MEI4: variants seen among roughly 807,000 people sequenced by gnomAD.
MEI4 encodes the protein meiotic double-stranded break formation protein 4.
A neutral mutation model predicts 31.4 loss-of-function variants in MEI4; 27 were observed. The ratio of observed to expected loss-of-function variants is 0.86; its 90% CI spans 0.63 to 1.19. The LOEUF is 1.19. Ranked by LOEUF, MEI4 falls within the 50% of genes most tolerant of loss-of-function variation. The pLI, the probability that MEI4 is intolerant of heterozygous loss-of-function variation, is 0.00. For synonymous variants in MEI4, 122 were observed against 145.4 expected (o/e 0.84, Z 1.16); for missense variants, 329 against 398.9 (o/e 0.82, Z 1.49).
At chr6:77,736,932 T>G (rs1401501073) in intron 2 of MEI4, among the ~76,000 whole-genome samples, 1 of 151,134 alleles carries the variant, frequency 6.6e-6, no homozygotes, top group East Asian at 1.9e-4. Flanking sequence ...GGTACTAGGC[T>G]ATTTCAAACA....
chr6:77,916,195 T>A (rs965007833), intron 4 of MEI4, among the ~76,000 whole-genome samples: 2 of 152,092 alleles, frequency 1.3e-5, no homozygotes, highest in African/African-American at 2.4e-5. Context: ...TCTATCTGTG[T>A]TCTATCTCAC....
chr6:77,823,236 A>T (rs1476952776), intron 3 of MEI4, among the ~76,000 whole-genome samples: 1 of 152,062 alleles, frequency 6.6e-6, no homozygotes, highest in Non-Finnish European at 1.5e-5. Context: ...GTATATATAT[A>T]TTTTCTATGT....
At chr6:77,687,946 G>A (rs1440730731) in intron 1 of MEI4, among the ~76,000 whole-genome samples, 2 of 152,158 alleles carry the variant, frequency 1.3e-5, no homozygotes, top group East Asian at 1.9e-4. Flanking sequence ...GAGGCTTGGG[G>A]TGGGACTGAA....
intron 4 of MEI4, among the ~76,000 whole-genome samples, chr6:77,879,636 T>C (rs1204037085): frequency 6.6e-6 from 1 of 152,224 alleles, no homozygotes; most frequent in African/African-American, 2.4e-5. Context: ...CCAAGCCTAT[T>C]GGAGTTGAAG....
chr6:77,831,926 G>A (rs1770093283), intron 4 of MEI4, among the ~76,000 whole-genome samples: 1 of 151,898 alleles, frequency 6.6e-6, no homozygotes, highest in African/African-American at 2.4e-5. Context: ...GAATTGTAAT[G>A]TTTCCAACAT....
intron 2 of MEI4, among the ~76,000 whole-genome samples, chr6:77,737,757 C>G (rs926547975): frequency 6.6e-6 from 1 of 152,076 alleles, no homozygotes; most frequent in Non-Finnish European, 1.5e-5. Flanking sequence ...GAGATAGGAT[C>G]AATATCATCT....
chr6:77,819,286 C>T (rs1191004275), intron 3 of MEI4, among the ~76,000 whole-genome samples: 1 of 152,062 alleles, frequency 6.6e-6, no homozygotes. Context: ...TTCTGACTAG[C>T]ACCATTAACT....
At chr6:77,729,242 C>T (rs1397145865) in intron 2 of MEI4, among the ~76,000 whole-genome samples, 2 of 152,134 alleles carry the variant, frequency 1.3e-5, no homozygotes, top group Admixed American at 6.6e-5. Context: ...CCCATTTATG[C>T]CTAGTGTCCC....
At chr6:77,841,336 T>A (rs867819273) in intron 4 of MEI4, among the ~76,000 whole-genome samples, 2,818 of 93,430 alleles carry the variant, frequency 0.03, 35 homozygotes, top group East Asian at 0.04. Context: ...TATATATATT[T>A]TTTTTTTTTT....
At chr6:77,747,552 G>T (rs745628051) in intron 2 of MEI4, among the ~76,000 whole-genome samples, 5 of 152,064 alleles carry the variant, frequency 3.3e-5, no homozygotes, top group African/African-American at 4.8e-5. Context: ...CATGAGAACA[G>T]CTTAGGGGAA....
intron 3 of MEI4, among the ~76,000 whole-genome samples, chr6:77,803,151 A>C (rs6932505): frequency 0.83 from 126,527 of 152,154 alleles, 53,105 homozygotes; most frequent in East Asian, 0.95. Context: ...TCCCATATTT[A>C]TTGGAGGCTT....
chr6:77,729,751 A>T (rs890398855), intron 2 of MEI4, among the ~76,000 whole-genome samples: 2 of 152,186 alleles, frequency 1.3e-5, no homozygotes, highest in African/African-American at 4.8e-5. Context: ...GTTTTCTGGA[A>T]ACTTCCTTAG....
chr6:77,873,065 G>T (rs1463538097), intron 4 of MEI4, among the ~76,000 whole-genome samples: 2 of 151,878 alleles, frequency 1.3e-5, no homozygotes, highest in Non-Finnish European at 1.5e-5. Context: ...CTTTATAGCA[G>T]CATGATTTAT....
At position 77,820,817 on chromosome 6, in the gene MEI4, C is replaced by T. The variant is rs1769805857; in HGVS notation, c.769-8114C>T. Among the ~76,000 whole-genome samples the T allele has an allele frequency of 6.6e-6, 1 of 151,372 alleles. No homozygotes were observed. Among genetic ancestry groups the T allele is most frequent in the Non-Finnish European group, 1.5e-5 (1 of 67,880 alleles). On this transcript the variant is annotated intron_variant, in intron 3 of 4. Transcript: ENST00000684080. The surrounding 1 kb of genome is among the most constrained non-coding windows in gnomAD (Gnocchi z 4.5). ...CTGTTAGTATACATTATACTTCTTT[C>T]CTCTGTGAATTCTTGTTGTTTCTTA...
chr6:77,785,810 A>AT (rs36037440), intron 3 of MEI4, among the ~76,000 whole-genome samples: 1 of 152,100 alleles, frequency 6.6e-6, no homozygotes, highest in Non-Finnish European at 1.5e-5. Context: ...AGGAACTGCC[A>AT]TTTTTTTGCA....
intron 4 of MEI4, among the ~76,000 whole-genome samples, chr6:77,900,969 CT>C (rs1322105860): frequency 2.0e-5 from 3 of 151,858 alleles, no homozygotes; most frequent in Non-Finnish European, 4.4e-5. Context: ...TGGTATTTGT[CT>C]TTTTGTGCCT....
At chr6:77,654,421 G>A (rs564856055) in intron 1 of MEI4, among the ~76,000 whole-genome samples, 4 of 151,646 alleles carry the variant, frequency 2.6e-5, no homozygotes, top group African/African-American at 7.3e-5. Context: ...AGATTTTCAG[G>A]TTCTCTGACA....
At chr6:77,842,247 A>G (rs1770382951) in intron 4 of MEI4, among the ~76,000 whole-genome samples, 1 of 152,282 alleles carries the variant, frequency 6.6e-6, no homozygotes, top group Non-Finnish European at 1.5e-5. Flanking sequence ...CTAGTAATTA[A>G]TAATAGGAGT....
At position 77,925,054 on chromosome 6, in the gene MEI4, C is replaced by T. The variant is rs1442449749; in HGVS notation, c.*1708C>T. ...AGTTGATATAGCATTACACAAAATC[C>T]ACTTTCCATGACACCTTCATCTTCT... On this transcript the variant is annotated 3_prime_UTR_variant, in exon 5 of 5. Transcript: ENST00000684080. 1 of 151,832 alleles carries T rather than the reference C, an allele frequency of 6.6e-6. No individual in the cohort carries two copies. The highest frequency in any genetic ancestry group is 6.6e-5 in the Admixed American group (1 of 15,180). 9.4% of individuals were successfully genotyped at this position (151,832 alleles called of 1,614,324 possible).
Sources: allele counts gnomAD v4.1 joint callset (sites outside exome capture counted in the v4.1 genomes callset), GRCh38; gene constraint gnomAD v4.1.1; non-coding constraint Gnocchi (gnomAD v3.1); transcripts MANE v1.5; gene names NCBI Gene and HGNC (gene_info 2026-07-23, HGNC 2026-07-21).